Variants in ANKRD7 observed in about 807,000 individuals in gnomAD.
ANKRD7 encodes the protein ankyrin repeat domain 7.
In ANKRD7, 30 loss-of-function variants were observed where a neutral mutation model predicts 30.8. The observed-to-expected ratio is 0.97, with a 90% CI of 0.73 to 1.32. The LOEUF is 1.32. Ranked by LOEUF, ANKRD7 falls within the 40% of genes most tolerant of loss-of-function variation. The pLI is 0.00. For synonymous variants in ANKRD7, 97 were observed against 106.6 expected (o/e 0.91, Z 0.55); for missense variants, 264 against 295.7 (o/e 0.89, Z 0.79).
chr7:118,240,317 C>G (rs1351542319), intron 6 of ANKRD7, among the ~76,000 whole-genome samples: 1 of 152,018 alleles, frequency 6.6e-6, no homozygotes, highest in Non-Finnish European at 1.5e-5. Flanking sequence ...CCCCCCTCCC[C>G]CCACCTCACA....
In ANKRD7 at chr7:118,225,034, G is replaced by A. The variant is rs368465519; in HGVS notation, c.179+25G>A. The A allele has an allele frequency of 8.1e-6, 13 of 1,611,850 alleles. No homozygotes were observed. In the Admixed American group the frequency reaches 1.0e-4, roughly 13 times the overall value. On this transcript the variant is annotated intron_variant, in intron 1 of 6. Coordinates refer to ENST00000265224, the MANE Select transcript of ANKRD7 (RefSeq NM_019644.4). ...GGTGACCAGACTGAAGAGCCAGCGC[G>A]GGAGGACGGGTTGGGGCCTGGGTCG...
intron 6 of ANKRD7, among the ~76,000 whole-genome samples, chr7:118,240,926 G>A (rs57855155): frequency 0.15 from 22,902 of 150,662 alleles, 3,276 homozygotes; most frequent in African/African-American, 0.36. Context: ...AAGCCGAGGC[G>A]GGTGGATCAT....
intron 5 of ANKRD7, among the ~76,000 whole-genome samples, chr7:118,238,687 G>A (rs1170497258): frequency 6.6e-6 from 1 of 152,168 alleles, no homozygotes; most frequent in Non-Finnish European, 1.5e-5. Context: ...TTTATGGTTA[G>A]CCATAACCCA....
rs770293189 is a variant in ANKRD7, at chr7:118,234,426, C to T, written c.180-5C>T. On this transcript the variant is annotated splice_region_variant and splice_polypyrimidine_tract_variant and intron_variant, in intron 1 of 6. Transcript: ENST00000265224. ...CTAACTTTGTGTTTTGTTTTATTGA[C>T]ATAGAACACCTTTGCACCTAGCCTG... 6.4e-6 allele frequency: 10 copies of T among 1,557,288 alleles called. No individual in the cohort carries two copies. Among genetic ancestry groups the T allele is most frequent in the Non-Finnish European group, 8.7e-6 (10 of 1,149,368 alleles).
In ANKRD7 at chr7:118,236,875, G is replaced by C; in HGVS notation, c.661G>C (p.Gly221Arg). ...GCAAGGTGTGGAATTATGTTACGAA[G>C]GTATTGTGGATTCACAGCTGAGGAA... ...LQQGVELCYE[G>R]IVDSQLRNMF... Residue 221 changes from glycine (G) to arginine (R), a missense_variant, in exon 5 of 7, where the codon GGT becomes CGT. Transcript: ENST00000265224. 6.2e-7 allele frequency: 1 copy of C among 1,613,968 alleles called. No individual in the cohort carries two copies.
chr7:118,237,921 T>C (rs1279863455), intron 5 of ANKRD7, among the ~76,000 whole-genome samples: 4 of 152,114 alleles, frequency 2.6e-5, no homozygotes, highest in Non-Finnish European at 4.4e-5. Flanking sequence ...ATAAAAGGAT[T>C]CTTCACTCTA....
Position 118,236,904 on chromosome 7 carries a change from G to A in ANKRD7, c.690G>A (p.Met230Ile), listed in dbSNP as rs1562873861. 2.5e-6 allele frequency: 4 copies of A among 1,613,738 alleles called. No homozygotes were observed. The highest frequency in any genetic ancestry group is 3.4e-6 in the Non-Finnish European group (4 of 1,179,844). ...EGIVDSQLRN[M>I]FISMVLLHRY... The stretch of plus-strand genomic sequence containing the variant: ...TTGTGGATTCACAGCTGAGGAATAT[G>A]TTTATTTCCATGGTTTTACTGCGTA... Residue 230 changes from methionine (M) to isoleucine (I), a missense_variant, in exon 5 of 7, where the codon ATG becomes ATA. Met to Ile is a conservative substitution (Grantham distance 10). Transcript: ENST00000265224.
At position 118,226,358 on chromosome 7, in the gene ANKRD7, G is replaced by T. The variant is rs533291256; in HGVS notation, c.179+1349G>T. Reference sequence around the variant, plus strand: ...TGAACAATGTAGGGGTTGGGGTGGGGAGTCAACCCCCTGTGAAGTAAAAAT... The same window carrying T: ...TGAACAATGTAGGGGTTGGGGTGGGTAGTCAACCCCCTGTGAAGTAAAAAT... On this transcript the variant is annotated intron_variant, in intron 1 of 6. Transcript: ENST00000265224. 5.3e-5 allele frequency among the ~76,000 whole-genome samples: 8 copies of T among 152,258 alleles called. No homozygotes were observed. The South Asian group carries it at 1.7e-3, about 32-fold the overall frequency.
At chr7:118,229,662 C>A (rs1239247011) in intron 1 of ANKRD7, among the ~76,000 whole-genome samples, 2 of 151,982 alleles carry the variant, frequency 1.3e-5, no homozygotes, top group Non-Finnish European at 2.9e-5. Context: ...AAACCAGACA[C>A]AAATGACTCC....
Position 118,236,883 on chromosome 7 carries a change from G to A in ANKRD7, c.669G>A (p.Val223=), listed in dbSNP as rs766691129. The A allele has an allele frequency of 1.8e-4, 294 of 1,613,860 alleles. No homozygotes were observed. The highest frequency in any genetic ancestry group is 2.4e-4 in the Non-Finnish European group (285 of 1,179,910). Residue 223 remains valine (V), a synonymous_variant, in exon 5 of 7, where the codon GTG becomes GTA. Coordinates refer to ENST00000265224, the MANE Select transcript of ANKRD7 (RefSeq NM_019644.4). ...TGGAATTATGTTACGAAGGTATTGT[G>A]GATTCACAGCTGAGGAATATGTTTA... is the stretch of plus-strand genomic sequence containing the variant. ...QGVELCYEGI[V]DSQLRNMFIS...
At chr7:118,238,240 A>G (rs1809767727) in intron 5 of ANKRD7, among the ~76,000 whole-genome samples, 1 of 152,148 alleles carries the variant, frequency 6.6e-6, no homozygotes, top group African/African-American at 2.4e-5. Flanking sequence ...TTGACCATGA[A>G]GTTTTTGTCC....
intron 1 of ANKRD7, among the ~76,000 whole-genome samples, chr7:118,228,788 C>T (rs1452590033): frequency 6.6e-6 from 1 of 152,122 alleles, no homozygotes; most frequent in African/African-American, 2.4e-5. Flanking sequence ...CATTTCTTGC[C>T]ACCTTTATAA....
At chr7:118,234,285 G>T in intron 1 of ANKRD7, 146 bp from the exon 2 acceptor site, 1 of 439,940 alleles carries the variant, frequency 2.3e-6, no homozygotes, top group Non-Finnish European at 4.0e-6. Flanking sequence ...AAATGTAATT[G>T]TAATTAATGT....
chr7:118,239,853 A>G (rs1809794762), intron 5 of ANKRD7, 56 bp from the exon 6 acceptor site: 3 of 1,202,044 alleles, frequency 2.5e-6, no homozygotes, highest in East Asian at 2.4e-5. Context: ...TGATACTTAT[A>G]TGTTAGGAAT....
In ANKRD7 at chr7:118,242,348, G is replaced by T. The variant is rs1233066165; in HGVS notation, c.*38-1G>T. ...CATTATAAATATCATTTGTTTCCTA[G>T]ATATGGAACCCATTTCTACAATTTC... On this transcript the variant is annotated splice_acceptor_variant, in intron 6 of 6. Transcript: ENST00000265224. LOFTEE classifies it low-confidence loss of function (3UTR_SPLICE). 1 of 152,098 alleles carries T rather than the reference G, an allele frequency of 6.6e-6. No homozygotes were observed. The highest frequency in any genetic ancestry group is 6.6e-5 in the Admixed American group (1 of 15,266). The allele number at this position is 152,098 out of a possible 1,614,324, so 9.4% of individuals were successfully genotyped here.
intron 1 of ANKRD7, among the ~76,000 whole-genome samples, chr7:118,233,751 A>T (rs1344277389): frequency 6.6e-6 from 1 of 152,146 alleles, no homozygotes; most frequent in African/African-American, 2.4e-5. Context: ...TAATGATATC[A>T]CCTTAGAAGT....
At chr7:118,238,453 C>T (rs1809771455) in intron 5 of ANKRD7, among the ~76,000 whole-genome samples, 1 of 152,048 alleles carries the variant, frequency 6.6e-6, no homozygotes, top group African/African-American at 2.4e-5. Context: ...AGTATTTGCC[C>T]CTCTTTGCAG....
At chr7:118,228,017 C>T (rs534857106) in intron 1 of ANKRD7, 2 of 1,306,802 alleles carry the variant, frequency 1.5e-6, no homozygotes, top group South Asian at 2.5e-5. Flanking sequence ...AATGTGACTT[C>T]ATTCAGGGGT....
chr7:118,241,015 G>A (rs942244096), intron 6 of ANKRD7, among the ~76,000 whole-genome samples: 2 of 149,582 alleles, frequency 1.3e-5, no homozygotes, highest in South Asian at 2.1e-4. Flanking sequence ...TTAGCCGGGC[G>A]CGGTGGCGGG....
Sources: allele counts gnomAD v4.1 joint callset (sites outside exome capture counted in the v4.1 genomes callset), GRCh38; gene constraint gnomAD v4.1.1; transcripts MANE v1.5; gene names NCBI Gene and HGNC (gene_info 2026-07-23, HGNC 2026-07-21).